NETO1: variants seen among roughly 807,000 people sequenced by gnomAD.
NETO1 encodes neuropilin and tolloid-like protein 1.
In NETO1, 26 loss-of-function variants were observed where a neutral mutation model predicts 61.3. That is an observed-to-expected ratio of 0.42 (90% CI 0.31 to 0.59). The LOEUF is 0.59. Ranked by LOEUF, NETO1 falls within the 20% of genes least tolerant of loss-of-function variation. NETO1 has a pLI of 0.12. For missense variants in NETO1, 531 were observed against 662.8 expected (o/e 0.80, Z 2.18); for synonymous variants, 225 against 225.8 (o/e 1.00, Z 0.03).
chr18:72,758,016 T>A (rs2070841683), intron 7 of NETO1, among the ~76,000 whole-genome samples: 1 of 151,852 alleles, frequency 6.6e-6, no homozygotes. Context: ...ACCGACCTTC[T>A]ATGAGTTGGA....
chr18:72,840,623 CA>C (rs2073899612), intron 4 of NETO1, among the ~76,000 whole-genome samples: 1 of 140,572 alleles, frequency 7.1e-6, no homozygotes. Flanking sequence ...GAATTTGCTC[CA>C]ACAGGAAATT....
At chr18:72,828,940 G>A (rs1214195030) in intron 4 of NETO1, among the ~76,000 whole-genome samples, 4 of 149,990 alleles carry the variant, frequency 2.7e-5, no homozygotes, top group Non-Finnish European at 5.9e-5. Context: ...GCAAACACTG[G>A]AGAATTTAGT....
intron 4 of NETO1, among the ~76,000 whole-genome samples, chr18:72,855,562 C>G (rs984787725): frequency 6.6e-6 from 1 of 152,196 alleles, no homozygotes; most frequent in Admixed American, 6.5e-5. Context: ...CACATCCGTG[C>G]GGGACCTCCA....
intron 4 of NETO1, among the ~76,000 whole-genome samples, chr18:72,824,972 G>A (rs1037719605): frequency 6.6e-6 from 1 of 152,058 alleles, no homozygotes; most frequent in Non-Finnish European, 1.5e-5. Context: ...AACAAGAAAA[G>A]TTATTAACTA....
chr18:72,835,923 C>T (rs1045534073), intron 4 of NETO1, among the ~76,000 whole-genome samples: 2 of 152,140 alleles, frequency 1.3e-5, no homozygotes. Context: ...AATTACAACA[C>T]AGTGTGAGAG....
intron 4 of NETO1, among the ~76,000 whole-genome samples, chr18:72,813,577 G>A (rs530263442): frequency 6.6e-6 from 1 of 152,160 alleles, no homozygotes; most frequent in Admixed American, 6.5e-5. Context: ...AATATCTGCA[G>A]GGAATAGGAA....
At position 72,744,135 on chromosome 18, in the gene NETO1, C is replaced by A. The variant is rs2070382598; in HGVS notation, c.*4044G>T. ...GAGCATTTACCTCTTTAATAATACA[C>A]AAGAAAGTACAGAATCAGAGGCTAC... On this transcript the variant is annotated 3_prime_UTR_variant, in exon 11 of 11. Coordinates refer to ENST00000327305, the MANE Select transcript of NETO1 (RefSeq NM_138966.5). 1 of 152,110 alleles carries A rather than the reference C, an allele frequency of 6.6e-6. No homozygotes were observed. Among genetic ancestry groups the A allele is most frequent in the African/African-American group, 2.4e-5 (1 of 41,418 alleles). The allele number at this position is 152,110 out of a possible 1,614,324, so 9.4% of individuals were successfully genotyped here.
chr18:72,773,818 G>A (rs531217149), intron 7 of NETO1, among the ~76,000 whole-genome samples: 16 of 152,100 alleles, frequency 1.1e-4, no homozygotes, highest in African/African-American at 3.1e-4. Context: ...TCCTAGCAGC[G>A]TGAGAACAAA....
At chr18:72,856,542 TCAAA>T (rs143154134) in intron 4 of NETO1, among the ~76,000 whole-genome samples, 3,710 of 152,312 alleles carry the variant, frequency 0.024, 117 homozygotes, top group East Asian at 0.1. Flanking sequence ...GTTAATTGTC[TCAAA>T]CTATTCTGTG....
At chr18:72,752,387 G>A (rs1170498675) in intron 8 of NETO1, among the ~76,000 whole-genome samples, 1 of 152,130 alleles carries the variant, frequency 6.6e-6, no homozygotes, top group East Asian at 1.9e-4. Flanking sequence ...AAATGAGAGA[G>A]GCACAGAGAG....
At chr18:72,828,585 C>A (rs1368849625) in intron 4 of NETO1, among the ~76,000 whole-genome samples, 1 of 152,136 alleles carries the variant, frequency 6.6e-6, no homozygotes, top group African/African-American at 2.4e-5. Context: ...ATAGTAGCTA[C>A]ATTTTTTGAC....
At chr18:72,856,206 G>A (rs924585104) in intron 4 of NETO1, among the ~76,000 whole-genome samples, 1 of 151,812 alleles carries the variant, frequency 6.6e-6, no homozygotes. Context: ...AAATAATAGG[G>A]ACCACCAGGC....
intron 4 of NETO1, among the ~76,000 whole-genome samples, chr18:72,811,666 G>A (rs1265299448): frequency 6.6e-6 from 1 of 152,150 alleles, no homozygotes; most frequent in Non-Finnish European, 1.5e-5. Flanking sequence ...CGAGCCGGGT[G>A]TGGTGGCATG....
chr18:72,821,843 T>C (rs1254932728), intron 4 of NETO1, among the ~76,000 whole-genome samples: 2 of 152,178 alleles, frequency 1.3e-5, no homozygotes, highest in African/African-American at 4.8e-5. Flanking sequence ...TAAAATGTCT[T>C]TCTAAAATTT....
intron 4 of NETO1, among the ~76,000 whole-genome samples, chr18:72,854,384 A>G (rs1279068610): frequency 6.6e-6 from 1 of 152,248 alleles, no homozygotes; most frequent in Non-Finnish European, 1.5e-5. Flanking sequence ...AAACTAGTAC[A>G]GGAAAACTAT....
chr18:72,753,755 G>C (rs918301059), intron 8 of NETO1, among the ~76,000 whole-genome samples: 1 of 151,990 alleles, frequency 6.6e-6, no homozygotes, highest in Non-Finnish European at 1.5e-5. Context: ...TCGTAATGTT[G>C]GACTATAGCT....
intron 4 of NETO1, among the ~76,000 whole-genome samples, chr18:72,849,415 CT>C (rs916593120): frequency 2.0e-5 from 3 of 152,252 alleles, no homozygotes; most frequent in African/African-American, 7.2e-5. Flanking sequence ...TTTAGGTATT[CT>C]TTAAGACATG....
At chr18:72,834,346 GA>G (rs1274131222) in intron 4 of NETO1, 1 of 909,684 alleles carries the variant, frequency 1.1e-6, no homozygotes, top group Non-Finnish European at 1.3e-6. Context: ...AGAAAGAAAG[GA>G]AAAGAGACAT....
chr18:72,810,465 C>T (rs192919063), intron 4 of NETO1, among the ~76,000 whole-genome samples: 53 of 152,244 alleles, frequency 3.5e-4, no homozygotes, highest in African/African-American at 1.1e-3. Flanking sequence ...GGCATGCAAA[C>T]GTATCATCTC....
Sources: allele counts gnomAD v4.1 joint callset (sites outside exome capture counted in the v4.1 genomes callset), GRCh38; gene constraint gnomAD v4.1.1; transcripts MANE v1.5; gene names NCBI Gene and HGNC (gene_info 2026-07-23, HGNC 2026-07-21).